The following COL24A1 variants were observed in gnomAD, a reference collection of about 807,000 sequenced individuals.
COL24A1 encodes the protein collagen type XXIV alpha 1 chain.
In COL24A1, 224 loss-of-function variants were observed where a neutral mutation model predicts 253.9. That is an observed-to-expected ratio of 0.88 (90% CI 0.79 to 0.99). COL24A1 has a LOEUF of 0.99. Ranked by LOEUF, COL24A1 falls within the 50% of genes least tolerant of loss-of-function variation. The pLI is 0.00. For missense variants in COL24A1, 2,131 were observed against 2,068.5 expected, an observed-to-expected ratio of 1.03 and a Z score of -0.59; for synonymous variants, 685 against 673.7, an observed-to-expected ratio of 1.02 and a Z score of -0.26.
intron 24 of COL24A1, among the ~76,000 whole-genome samples, chr1:85,912,305 C>G (rs149287407): frequency 6.6e-6 from 1 of 152,036 alleles, no homozygotes; most frequent in South Asian, 2.1e-4. Context: ...TTTGTCTTTA[C>G]GGATTCTCAA....
chr1:85,804,938 C>T (rs975143752), intron 47 of COL24A1, among the ~76,000 whole-genome samples: 1 of 151,948 alleles, frequency 6.6e-6, no homozygotes, highest in Non-Finnish European at 1.5e-5. Context: ...CCTCTAACTC[C>T]TCATATCAAG....
At chr1:85,900,212 A>T (rs959335469) in intron 28 of COL24A1, among the ~76,000 whole-genome samples, 1 of 152,190 alleles carries the variant, frequency 6.6e-6, no homozygotes. Context: ...CCCTATCAAA[A>T]TACCAATGTC....
Position 85,778,984 on chromosome 1 carries a change from G to A in COL24A1, c.4338+2236C>T, listed in dbSNP as rs936340865. 2.0e-4 allele frequency among the ~76,000 whole-genome samples: 31 copies of A among 151,882 alleles called. 1 individual carries two copies. Among genetic ancestry groups the A allele is most frequent in the African/African-American group, 6.3e-4 (26 of 41,378 alleles). On this transcript the variant is annotated intron_variant, in intron 52 of 59. Coordinates refer to ENST00000370571, the MANE Select transcript of COL24A1 (RefSeq NM_152890.7). ...TAGGAGTAAAATACTTTTGGCAAAT[G>A]GGGTTCCAATTTTTCTTTCTTCTTT... is the stretch of plus-strand genomic sequence containing the variant.
At chr1:85,736,252 G>C (rs1430449031) in intron 58 of COL24A1, 2 of 455,224 alleles carry the variant, frequency 4.4e-6, no homozygotes, top group East Asian at 1.4e-4. Flanking sequence ...CAAGTCTACT[G>C]TTCATCCCAG....
intron 22 of COL24A1, among the ~76,000 whole-genome samples, chr1:85,968,051 G>A (rs1293256195): frequency 3.9e-5 from 6 of 152,146 alleles, no homozygotes; most frequent in African/African-American, 1.2e-4. Context: ...TAGCCTCCTA[G>A]CCTACATCTT....
intron 47 of COL24A1, among the ~76,000 whole-genome samples, chr1:85,807,453 G>A (rs72950680): frequency 0.017 from 2,540 of 152,232 alleles, 70 homozygotes; most frequent in African/African-American, 0.057. Flanking sequence ...GAAAAGGTAG[G>A]AGCAATTATC....
chr1:85,871,705 T>C (rs968377171), intron 35 of COL24A1, among the ~76,000 whole-genome samples: 57 of 152,186 alleles, frequency 3.7e-4, no homozygotes, highest in Non-Finnish European at 5.1e-4. Context: ...CTCAAAATAA[T>C]AAGAGCTATT....
intron 59 of COL24A1, among the ~76,000 whole-genome samples, chr1:85,733,687 C>A (rs899764898): frequency 4.6e-5 from 7 of 151,046 alleles, no homozygotes; most frequent in Non-Finnish European, 7.4e-5. Flanking sequence ...TCAAGCAATT[C>A]TTGTGGCTCA....
At chr1:86,018,906 A>G (rs1697240052) in intron 18 of COL24A1, among the ~76,000 whole-genome samples, 1 of 152,174 alleles carries the variant, frequency 6.6e-6, no homozygotes, top group South Asian at 2.1e-4. Flanking sequence ...AAGCTTCCCT[A>G]TTCAAGAACT....
intron 43 of COL24A1, among the ~76,000 whole-genome samples, chr1:85,830,953 T>C (rs967685505): frequency 6.6e-6 from 1 of 152,088 alleles, no homozygotes; most frequent in African/African-American, 2.4e-5. Context: ...CTAACAACAA[T>C]ATTTATTCTT....
intron 24 of COL24A1, among the ~76,000 whole-genome samples, chr1:85,937,037 T>C (rs1688300441): frequency 6.8e-6 from 1 of 147,534 alleles, no homozygotes; most frequent in Admixed American, 6.8e-5. Flanking sequence ...GCAGACTGCA[T>C]AAGCAAGTTG....
At chr1:85,915,345 A>T (rs1685790211) in intron 24 of COL24A1, among the ~76,000 whole-genome samples, 1 of 152,144 alleles carries the variant, frequency 6.6e-6, no homozygotes, top group Non-Finnish European at 1.5e-5. Flanking sequence ...TAGAACTTAC[A>T]CTGTCAATTC....
chr1:85,810,289 T>C (rs1197213432), intron 47 of COL24A1, among the ~76,000 whole-genome samples: 4 of 152,084 alleles, frequency 2.6e-5, no homozygotes, highest in African/African-American at 7.2e-5. Flanking sequence ...TTACCCTATA[T>C]GGTTTAAGAG....
intron 7 of COL24A1, among the ~76,000 whole-genome samples, chr1:86,084,553 T>C (rs921778152): frequency 1.3e-5 from 2 of 152,200 alleles, no homozygotes; most frequent in Non-Finnish European, 2.9e-5. Context: ...CAACTAGCTC[T>C]CACACAGAAA....
At chr1:85,964,899 T>G in intron 23 of COL24A1, 110 bp downstream of exon 23, 1 of 878,292 alleles carries the variant, frequency 1.1e-6, no homozygotes, top group Non-Finnish European at 1.8e-6. Flanking sequence ...TTTTAACATC[T>G]CACTGGTTCT....
intron 57 of COL24A1, among the ~76,000 whole-genome samples, chr1:85,739,163 C>T (rs1664353563): frequency 6.6e-6 from 1 of 152,166 alleles, no homozygotes; most frequent in Non-Finnish European, 1.5e-5. Flanking sequence ...TGAGGGCTTC[C>T]AGTCTTACCT....
Position 86,141,314 on chromosome 1 carries a change from T to G in COL24A1, c.121+4805A>C, listed in dbSNP as rs576261436. ...ATTGGGGGTTGAGGATATGTGAGGGTGGAGGATTGAAAGTTTGTATAAGAA... is the reference window on the plus strand; with the variant it reads ...ATTGGGGGTTGAGGATATGTGAGGGGGGAGGATTGAAAGTTTGTATAAGAA... On this transcript the variant is annotated intron_variant, in intron 2 of 59. Transcript: ENST00000370571. Among the ~76,000 whole-genome samples the G allele has an allele frequency of 2.7e-4, 41 of 152,180 alleles. 1 individual carries two copies. Among genetic ancestry groups the G allele is most frequent in the Admixed American group, 2.4e-3 (37 of 15,278 alleles).
chr1:85,896,278 T>G, intron 29 of COL24A1, 78 bp downstream of exon 29: 1 of 1,365,956 alleles, frequency 7.3e-7, no homozygotes, highest in East Asian at 2.3e-5. Flanking sequence ...TAGGGAAATA[T>G]ATTGTTTTTT....
In COL24A1 at chr1:85,877,171, A is replaced by C; in HGVS notation, c.2981T>G (p.Leu994Arg). The part of the protein sequence containing the change: ...GDRGLPGEPG[L>R]RGLQGDVGPP... ...TCCAACATCACCTTGCAGTCCTCGC[A>C]GTCCCTATATTAAAATAAAATTTAA... Residue 994 changes from leucine (L) to arginine (R), a missense_variant, in exon 33 of 60, where the codon CTG becomes CGG. By Grantham distance (102) the Leu-to-Arg change is moderately radical (BLOSUM62 -2). Coordinates refer to ENST00000370571, the MANE Select transcript of COL24A1 (RefSeq NM_152890.7). 1.2e-6 allele frequency: 2 copies of C among 1,601,132 alleles called. No homozygotes were observed. Among genetic ancestry groups the C allele is most frequent in the Non-Finnish European group, 1.7e-6 (2 of 1,174,360 alleles).
Sources: gnomAD v4.1 joint callset for allele counts (sites outside exome capture counted in the v4.1 genomes callset) on GRCh38, gnomAD v4.1.1 for gene constraint, MANE v1.5 for transcripts, NCBI Gene and HGNC (gene_info 2026-07-23, HGNC 2026-07-21) for gene names.